NPAS1: variants seen among roughly 807,000 people sequenced by gnomAD.
NPAS1 encodes the protein neuronal PAS domain-containing protein 1.
NPAS1 carries 29 observed loss-of-function variants against 49.2 expected under a neutral mutation model. The observed-to-expected ratio is 0.59, with a 90% confidence interval of 0.44 to 0.80. The LOEUF is 0.80. Among genes scored for constraint, NPAS1 ranks in the 30% least tolerant of loss-of-function variants. The pLI is 0.00. For missense variants in NPAS1, 825 were observed against 835.5 expected (o/e 0.99, Z 0.15); for synonymous variants, 408 against 380.4 (o/e 1.07, Z -0.84).
chr19:47,026,485 C>T (rs886440693), intron 3 of NPAS1, among the ~76,000 whole-genome samples: 21 of 152,162 alleles, frequency 1.4e-4, no homozygotes, highest in African/African-American at 4.6e-4. Context: ...CGTGGTGGTC[C>T]AGCCAGGGCA....
At chr19:47,027,695 C>A (rs1022909596) in intron 3 of NPAS1, among the ~76,000 whole-genome samples, 1 of 40,414 alleles carries the variant, frequency 2.5e-5, no homozygotes, top group South Asian at 5.0e-4. Context: ...TGTCTGTCTG[C>A]CCCTGGTCCC....
intron 3 of NPAS1, among the ~76,000 whole-genome samples, chr19:47,030,178 C>T (rs1422222304): frequency 6.6e-6 from 1 of 152,110 alleles, no homozygotes; most frequent in Non-Finnish European, 1.5e-5. Context: ...TGCACGCCAC[C>T]ACGCCCAGCT....
chr19:47,027,131 C>T (rs889151566), intron 3 of NPAS1, among the ~76,000 whole-genome samples: 1 of 152,192 alleles, frequency 6.6e-6, no homozygotes, highest in East Asian at 1.9e-4. Context: ...CCCCATGCAG[C>T]CCTCAGGCCT....
chr19:47,025,838 G>A (rs2056867815), intron 3 of NPAS1, among the ~76,000 whole-genome samples: 1 of 152,256 alleles, frequency 6.6e-6, no homozygotes, highest in African/African-American at 2.4e-5. Flanking sequence ...GCCTCCCAAA[G>A]TGTTGGGATT....
intron 6 of NPAS1, among the ~76,000 whole-genome samples, chr19:47,038,276 T>C (rs565418465): frequency 6.6e-6 from 1 of 152,190 alleles, no homozygotes; most frequent in Admixed American, 6.5e-5. Context: ...CCCAGCACTT[T>C]GGGAGGCCGA....
chr19:47,021,184 G>GC lies in NPAS1; in HGVS notation c.122+21dup, dbSNP rs1380746620. 12 of 1,511,972 alleles carry GC rather than the reference G, an allele frequency of 7.9e-6. No homozygotes were observed. Among genetic ancestry groups the GC allele is most frequent in the Middle Eastern group, 4.0e-4 (2 of 4,986 alleles). 93.7% of individuals were successfully genotyped at this position (1,511,972 alleles called of 1,614,324 possible). A position where few individuals can be genotyped will look rare whatever the true frequency, so the allele number is the denominator to read the frequency against. Reference sequence around the variant, plus strand: ...TCCGGACCGTGGTGAGCAAAGCCCCGCCCCCCTGGCCGCGGGCCCCCCCCC... The same window carrying GC: ...TCCGGACCGTGGTGAGCAAAGCCCCGCCCCCCCTGGCCGCGGGCCCCCCCCC... On this transcript the variant is annotated intron_variant, in intron 2 of 11. Transcript: ENST00000602212. The surrounding 1 kb of genome is among the most constrained non-coding windows in gnomAD (Gnocchi z 5.7).
intron 4 of NPAS1, 87 bp from the exon 5 acceptor site, chr19:47,032,556 C>A: frequency 7.7e-7 from 1 of 1,303,572 alleles, no homozygotes; most frequent in South Asian, 1.2e-5. Context: ...GGTGGAGACC[C>A]AGGTTTCAGA....
chr19:47,032,589 G>T, intron 4 of NPAS1, 54 bp from the exon 5 acceptor site: 2 of 1,524,904 alleles, frequency 1.3e-6, no homozygotes, highest in Non-Finnish European at 1.8e-6. Flanking sequence ...TTGGCGGCTG[G>T]ACAGAGGGAC....
chr19:47,032,174 C>CA (rs1284729227), intron 3 of NPAS1, 104 bp from the exon 4 acceptor site: 2 of 1,056,970 alleles, frequency 1.9e-6, no homozygotes, highest in African/African-American at 3.1e-5. Context: ...AAGATGTCTA[C>CA]AAGCCTTAGG....
At position 47,027,209 on chromosome 19, in the gene NPAS1, G is replaced by C. The variant is rs568809583; in HGVS notation, c.359-5069G>C. On this transcript the variant is annotated intron_variant, in intron 3 of 11. Transcript: ENST00000602212. Reference sequence around the variant, plus strand: ...GACTTCCCTGGGTGATGAAGCCCCAGCCTCTTCTCTCCAGGACCCAGGGTC... The same window carrying C: ...GACTTCCCTGGGTGATGAAGCCCCACCCTCTTCTCTCCAGGACCCAGGGTC... Among the ~76,000 whole-genome samples, 503 of 152,304 alleles carry C rather than the reference G, an allele frequency of 3.3e-3. 6 individuals carry two copies. The highest frequency in any genetic ancestry group is 0.012 in the African/African-American group (483 of 41,572).
chr19:47,041,191 G>A (rs2122545699), intron 10 of NPAS1, 66 bp downstream of exon 10: 1 of 1,425,104 alleles, frequency 7.0e-7, no homozygotes, highest in Admixed American at 2.8e-5. Flanking sequence ...CACCTCCAGT[G>A]GGGGTGCTTT....
Position 47,039,121 on chromosome 19 carries a change from G to A in NPAS1, c.774G>A (p.Arg258=). The change falls in exon 7 of 12, where the codon AGG becomes AGA. Residue 258 remains arginine (R), a synonymous_variant. Transcript: ENST00000602212. ...FVRMKSTLTK[R]GLHVKASGYK... Reference sequence around the variant, plus strand: ...GCATGAAATCCACGCTCACCAAGAGGGGGCTGCACGTCAAGGCCTCAGGGT... The same window carrying A: ...GCATGAAATCCACGCTCACCAAGAGAGGGCTGCACGTCAAGGCCTCAGGGT... 6.2e-7 allele frequency: 1 copy of A among 1,613,064 alleles called. No homozygotes were observed. Among genetic ancestry groups the A allele is most frequent in the Non-Finnish European group, 8.5e-7 (1 of 1,179,444 alleles).
Position 47,041,099 on chromosome 19 carries a change from T to C in NPAS1, c.1191T>C (p.His397=), listed in dbSNP as rs1003099343. The C allele has an allele frequency of 1.0e-4, 159 of 1,595,568 alleles. No individual in the cohort carries two copies. Among genetic ancestry groups the C allele is most frequent in the Non-Finnish European group, 1.4e-4 (159 of 1,175,116 alleles). The change falls in exon 10 of 12, where the codon CAT becomes CAC. Residue 397 remains histidine (H), a synonymous_variant. Coordinates refer to ENST00000602212, the MANE Select transcript of NPAS1 (RefSeq NM_002517.4). ...GCGGGAAGAGCCCCGGGGAGCACCA[T>C]GTGCTTTGGGTCAGCCACGTGCTCA... ...AGSGKSPGEH[H]VLWVSHVLSQ...
Position 47,036,364 on chromosome 19 carries a change from T to C in NPAS1, c.688+235T>C, listed in dbSNP as rs867539384. ...AGACCCCCCTGGCTGCTGAAAGGAG[T>C]TGGGAGAGGCTTAGGTAAATAACAA... On this transcript the variant is annotated intron_variant, in intron 6 of 11. Transcript: ENST00000602212. Among the ~76,000 whole-genome samples the C allele has an allele frequency of 4.6e-5, 7 of 151,792 alleles. 1 individual carries two copies. The South Asian group carries it at 1.0e-3, about 23-fold the overall frequency.
rs536456080 is a variant in NPAS1, at chr19:47,025,418, A to G, written c.358+3571A>G. ...TTCAGCCTCCCTAATAGCTGGGATTACAGGCATGCGCCACCACGCCCAGCT... is the reference window on the plus strand; with the variant it reads ...TTCAGCCTCCCTAATAGCTGGGATTGCAGGCATGCGCCACCACGCCCAGCT... On this transcript the variant is annotated intron_variant, in intron 3 of 11. Coordinates refer to ENST00000602212, the MANE Select transcript of NPAS1 (RefSeq NM_002517.4). 1.1e-4 allele frequency among the ~76,000 whole-genome samples: 15 copies of G among 134,362 alleles called. 3 individuals are homozygous for G. The South Asian group carries it at 3.5e-3, about 31-fold the overall frequency. 88.1% of individuals were successfully genotyped at this position (134,362 alleles called of 152,430 possible). A position where few individuals can be genotyped will look rare whatever the true frequency, so the allele number is the denominator to read the frequency against.
At chr19:47,028,345 G>A (rs1382278944) in intron 3 of NPAS1, among the ~76,000 whole-genome samples, 4 of 152,098 alleles carry the variant, frequency 2.6e-5, no homozygotes, top group Non-Finnish European at 5.9e-5. Context: ...GTGGAGGCAG[G>A]GAGGAACAGC....
chr19:47,045,170 C>T, intron 11 of NPAS1, 21 bp from the exon 12 acceptor site: 2 of 1,609,950 alleles, frequency 1.2e-6, no homozygotes, highest in Non-Finnish European at 8.5e-7. Flanking sequence ...CACACAGGCC[C>T]TCAGCATCTT....
intron 3 of NPAS1, among the ~76,000 whole-genome samples, chr19:47,027,646 G>C (rs112927621): frequency 0.07 from 1,355 of 19,330 alleles, 356 homozygotes; most frequent in East Asian, 0.14. Flanking sequence ...TCTCCCGTCT[G>C]TCTGCCCCTG....
chr19:47,038,194 G>A (rs1407172073), intron 6 of NPAS1, among the ~76,000 whole-genome samples: 1 of 152,190 alleles, frequency 6.6e-6, no homozygotes, highest in Non-Finnish European at 1.5e-5. Context: ...TTCAGAGCAG[G>A]GGAGGGTGGA....
Sources: allele counts gnomAD v4.1 joint callset (sites outside exome capture counted in the v4.1 genomes callset), GRCh38; gene constraint gnomAD v4.1.1; non-coding constraint Gnocchi (gnomAD v3.1); transcripts MANE v1.5; gene names NCBI Gene and HGNC (gene_info 2026-07-23, HGNC 2026-07-21).